RAB21: variants seen among roughly 807,000 people sequenced by gnomAD.
RAB21 encodes the protein ras-related protein Rab-21.
RAB21 carries 13 observed loss-of-function variants against 33.1 expected under a neutral mutation model. The ratio of observed to expected loss-of-function variants is 0.39; its 90% CI spans 0.26 to 0.62. The LOEUF (loss-of-function observed/expected upper bound fraction) is 0.62. Among genes scored for constraint, RAB21 ranks in the 20% least tolerant of loss-of-function variants. RAB21 has a pLI of 0.48. For synonymous variants in RAB21, 91 were observed against 103.7 expected, an observed-to-expected ratio of 0.88 and a Z score of 0.74; for missense variants, 234 against 279.1, an observed-to-expected ratio of 0.84 and a Z score of 1.15.
chr12:71,758,087 G>A (rs908020684), intron 1 of RAB21, among the ~76,000 whole-genome samples: 1 of 151,748 alleles, frequency 6.6e-6, no homozygotes, highest in African/African-American at 2.4e-5. Flanking sequence ...GGCTGGAGTG[G>A]AGGGGTGCGA....
At chr12:71,772,684 A>G (rs1883061250) in intron 3 of RAB21, among the ~76,000 whole-genome samples, 1 of 152,152 alleles carries the variant, frequency 6.6e-6, no homozygotes, top group African/African-American at 2.4e-5. Context: ...GAAGATGTAT[A>G]TTTTATGCCA....
intron 1 of RAB21, among the ~76,000 whole-genome samples, chr12:71,760,895 G>A (rs1373671771): frequency 1.3e-5 from 2 of 152,082 alleles, no homozygotes; most frequent in Non-Finnish European, 2.9e-5. Flanking sequence ...CTAACAGTTT[G>A]GCAAATGAGG....
chr12:71,782,269 T>C, intron 5 of RAB21, 184 bp downstream of exon 5: 1 of 579,900 alleles, frequency 1.7e-6, no homozygotes. Context: ...CTTCCCTTTT[T>C]GACTTCAGTG....
chr12:71,755,409 C>A, intron 1 of RAB21, 121 bp downstream of exon 1: 4 of 1,209,496 alleles, frequency 3.3e-6, no homozygotes, highest in Non-Finnish European at 3.3e-6. Context: ...GTCATCTCCG[C>A]CTTCGGTTTA....
In RAB21 at chr12:71,785,766, C is replaced by A. The variant is rs190309472; in HGVS notation, c.*93C>A. On this transcript the variant is annotated 3_prime_UTR_variant, in exon 7 of 7. Transcript: ENST00000261263. ...CCATATTCCAAGTCACATTATTTTACCAATGGAATTATAGAATTAACAGTA... is the reference window on the plus strand; with the variant it reads ...CCATATTCCAAGTCACATTATTTTAACAATGGAATTATAGAATTAACAGTA... 1.4e-6 allele frequency: 2 copies of A among 1,420,166 alleles called. No individual in the cohort carries two copies. Among genetic ancestry groups the A allele is most frequent in the African/African-American group, 1.4e-5 (1 of 70,056 alleles). 88.0% of individuals were successfully genotyped at this position (1,420,166 alleles called of 1,614,324 possible).
rs1035510750 is a variant in RAB21, at chr12:71,787,980, A to C, written c.*2307A>C. The C allele has an allele frequency of 2.0e-5, 3 of 152,126 alleles. No individual in the cohort carries two copies. Among genetic ancestry groups the C allele is most frequent in the African/African-American group, 7.2e-5 (3 of 41,426 alleles). 9.4% of individuals were successfully genotyped at this position (152,126 alleles called of 1,614,324 possible). The stretch of plus-strand genomic sequence containing the variant: ...GAAATAAGCTTTTCTCATTACAGTG[A>C]AATATGTTTTAAAAACTAGAGTAGC... On this transcript the variant is annotated 3_prime_UTR_variant, in exon 7 of 7. Transcript: ENST00000261263.
intron 1 of RAB21, among the ~76,000 whole-genome samples, chr12:71,767,640 T>C (rs1207443385): frequency 6.6e-6 from 1 of 152,036 alleles, no homozygotes; most frequent in African/African-American, 2.4e-5. Flanking sequence ...CCAGAGGAAA[T>C]GTGAAGACAA....
intron 6 of RAB21, among the ~76,000 whole-genome samples, chr12:71,784,404 A>AT (rs1257442702): frequency 1.3e-5 from 2 of 151,758 alleles, no homozygotes; most frequent in East Asian, 3.9e-4. Context: ...TCCTATGAAG[A>AT]TTTTTCTCCT....
rs192706414 is a variant in RAB21 at position 71,790,528 on chromosome 12, T to G, written c.*4855T>G. ...TTGTATGTGGTACTTCCTAGAAATA[T>G]GAAAGTTCCTCATTTTGTATTTAAT... On this transcript the variant is annotated 3_prime_UTR_variant, in exon 7 of 7. Transcript: ENST00000261263. The G allele has an allele frequency of 7.9e-5, 12 of 152,160 alleles. No individual in the cohort carries two copies. Among genetic ancestry groups the G allele is most frequent in the Admixed American group, 6.5e-4 (10 of 15,278 alleles). 9.4% of individuals were successfully genotyped at this position (152,160 alleles called of 1,614,324 possible).
chr12:71,764,260 C>T (rs1162589360), intron 1 of RAB21, among the ~76,000 whole-genome samples: 4 of 152,018 alleles, frequency 2.6e-5, no homozygotes, highest in Non-Finnish European at 4.4e-5. Context: ...TCATGGATTT[C>T]TTCATATTCT....
chr12:71,774,052 A>C, intron 4 of RAB21, 30 bp downstream of exon 4: 1 of 1,468,834 alleles, frequency 6.8e-7, no homozygotes, highest in Non-Finnish European at 9.3e-7. Flanking sequence ...TCTAAAAAAA[A>C]AGTCCTCTGT....
chr12:71,772,615 T>A (rs1026441110), intron 3 of RAB21, among the ~76,000 whole-genome samples: 6 of 152,318 alleles, frequency 3.9e-5, no homozygotes, highest in African/African-American at 1.4e-4. Flanking sequence ...TGTGATACTA[T>A]ATGCACATGG....
chr12:71,786,657 G>C lies in RAB21; in HGVS notation c.*984G>C, dbSNP rs747118914. 6.6e-6 allele frequency: 1 copy of C among 152,576 alleles called. No individual in the cohort carries two copies. Among genetic ancestry groups the C allele is most frequent in the Non-Finnish European group, 1.5e-5 (1 of 68,026 alleles). The allele number at this position is 152,576 out of a possible 1,614,324, so 9.5% of individuals were successfully genotyped here. On this transcript the variant is annotated 3_prime_UTR_variant, in exon 7 of 7. Transcript: ENST00000261263. Reference sequence around the variant, plus strand: ...AATTAACATTTGGTGATTATGCCTAGCTTTTTTGACTAATATAAAGATCAT... The same window carrying C: ...AATTAACATTTGGTGATTATGCCTACCTTTTTTGACTAATATAAAGATCAT...
chr12:71,779,990 G>A (rs1375130507), intron 4 of RAB21, among the ~76,000 whole-genome samples: 1 of 152,138 alleles, frequency 6.6e-6, no homozygotes, highest in African/African-American at 2.4e-5. Flanking sequence ...AATGTATTCT[G>A]TGCTGTCAAT....
At chr12:71,771,209 ACTTCC>A (rs1380830388) in intron 3 of RAB21, among the ~76,000 whole-genome samples, 1 of 152,232 alleles carries the variant, frequency 6.6e-6, no homozygotes, top group African/African-American at 2.4e-5. Flanking sequence ...TCATTAGTTT[ACTTCC>A]CTTCAAAAAC....
Position 71,773,430 on chromosome 12 carries a change from T to C in RAB21, c.328-529T>C, listed in dbSNP as rs568528292. ...ATTATCTGTACTAAAATGTCAGTATTGCCAAGGTTGCAAAACCCTGTCGTA... is the reference window on the plus strand; with the variant it reads ...ATTATCTGTACTAAAATGTCAGTATCGCCAAGGTTGCAAAACCCTGTCGTA... On this transcript the variant is annotated intron_variant, in intron 3 of 6. Transcript: ENST00000261263. 3.3e-5 allele frequency among the ~76,000 whole-genome samples: 5 copies of C among 152,344 alleles called. No individual in the cohort carries two copies. The South Asian group carries it at 6.2e-4, about 19-fold the overall frequency.
At chr12:71,759,763 G>A (rs997055936) in intron 1 of RAB21, among the ~76,000 whole-genome samples, 1 of 152,208 alleles carries the variant, frequency 6.6e-6, no homozygotes, top group Non-Finnish European at 1.5e-5. Flanking sequence ...TGTTTCTGCA[G>A]TACTCAAATC....
intron 1 of RAB21, among the ~76,000 whole-genome samples, chr12:71,758,926 C>T (rs1427950307): frequency 6.6e-6 from 1 of 152,228 alleles, no homozygotes; most frequent in African/African-American, 2.4e-5. Flanking sequence ...GTTGAGAATC[C>T]TTTTCCAACA....
At chr12:71,765,122 A>G (rs1278128641) in intron 1 of RAB21, among the ~76,000 whole-genome samples, 1 of 151,996 alleles carries the variant, frequency 6.6e-6, no homozygotes, top group Admixed American at 6.5e-5. Context: ...ACCAACATCT[A>G]TTGTTATTTT....
Sources: allele counts gnomAD v4.1 joint callset (sites outside exome capture counted in the v4.1 genomes callset), GRCh38; gene constraint gnomAD v4.1.1; transcripts MANE v1.5; gene names NCBI Gene and HGNC (gene_info 2026-07-23, HGNC 2026-07-21).